NPLOC4: variants seen among roughly 807,000 people sequenced by gnomAD.
The protein encoded by NPLOC4 is nuclear protein localization protein 4 homolog.
NPLOC4 carries 18 observed loss-of-function variants against 80.6 expected under a neutral mutation model. That is an observed-to-expected ratio of 0.22 (90% CI 0.15 to 0.33). The LOEUF is 0.33. NPLOC4 is among the 10% of genes least tolerant of loss of function. NPLOC4 has a pLI of 1.00. For synonymous variants in NPLOC4, 313 were observed against 301.5 expected, an observed-to-expected ratio of 1.04 and a Z score of -0.39; for missense variants, 540 against 786.1, an observed-to-expected ratio of 0.69 and a Z score of 3.74.
intron 8 of NPLOC4, among the ~76,000 whole-genome samples, chr17:81,600,634 G>A: frequency 6.6e-6 from 1 of 152,266 alleles, no homozygotes; most frequent in South Asian, 2.1e-4. Context: ...TACCAGGGCT[G>A]CAAAACATGT....
In NPLOC4 at chr17:81,572,757, G is replaced by A. The variant is rs951896160; in HGVS notation, c.1282-669C>T. 3.3e-5 allele frequency among the ~76,000 whole-genome samples: 5 copies of A among 152,222 alleles called. No homozygotes were observed. The highest frequency in any genetic ancestry group is 9.6e-5 in the African/African-American group (4 of 41,460). ...TCTGCGTTCCCCTCAGGTTGGACCT[G>A]TGCCCTGTCTATCCTCCAAAAGCAC... On this transcript the variant is annotated intron_variant, in intron 12 of 16. Transcript: ENST00000331134. This position sits in a 1 kb window ranked among gnomAD's most constrained non-coding sequence, Gnocchi z 4.5.
At chr17:81,622,397 A>G in intron 2 of NPLOC4, 119 bp from the exon 3 acceptor site, 1 of 738,476 alleles carries the variant, frequency 1.4e-6, no homozygotes, top group Non-Finnish European at 2.3e-6. Flanking sequence ...CCCATCATTT[A>G]CCAAATTCCT....
At chr17:81,601,118 C>T (rs1359222417) in intron 8 of NPLOC4, among the ~76,000 whole-genome samples, 2 of 152,150 alleles carry the variant, frequency 1.3e-5, no homozygotes, top group African/African-American at 4.8e-5. Context: ...CCAAGCTTAC[C>T]GAAATCATTA....
At chr17:81,618,391 G>C (rs924264593) in intron 3 of NPLOC4, among the ~76,000 whole-genome samples, 1 of 147,644 alleles carries the variant, frequency 6.8e-6, no homozygotes, top group Non-Finnish European at 1.5e-5. Context: ...TGGCCGCCCC[G>C]TCTGAGAAGT....
chr17:81,564,105 C>CACACACAG (rs2033935044), intron 16 of NPLOC4: 7 of 334,554 alleles, frequency 2.1e-5, no homozygotes, highest in Non-Finnish European at 3.5e-5. Context: ...CACACACACA[C>CACACACAG]ACACACACAC....
At chr17:81,616,333 A>AAAAAAAAAAAAAAAAAAAAAAAGAAAC (rs780878214) in intron 3 of NPLOC4, among the ~76,000 whole-genome samples, 4 of 115,628 alleles carry the variant, frequency 3.5e-5, no homozygotes, top group Admixed American at 1.0e-4. Context: ...AAAAAAAAAA[A>AAAAAAAAAAAAAAAAAAAAAAAGAAAC]AAAAAGAAAA....
Position 81,557,201 on chromosome 17 carries a change from C to T in NPLOC4, c.*2058G>A, listed in dbSNP as rs986900881. The T allele has an allele frequency of 3.3e-5, 5 of 152,384 alleles. No homozygotes were observed. Among genetic ancestry groups the T allele is most frequent in the African/African-American group, 1.2e-4 (5 of 41,442 alleles). 9.4% of individuals were successfully genotyped at this position (152,384 alleles called of 1,614,324 possible). On this transcript the variant is annotated 3_prime_UTR_variant, in exon 17 of 17. Coordinates refer to ENST00000331134, the MANE Select transcript of NPLOC4 (RefSeq NM_017921.4). ...AGGTGGGGCTGAGACCTCCTTCCCACAAGAGGAGGTGGCTGAGCCTCCCAG... is the reference window on the plus strand; with the variant it reads ...AGGTGGGGCTGAGACCTCCTTCCCATAAGAGGAGGTGGCTGAGCCTCCCAG...
At chr17:81,600,977 C>A (rs1385177875) in intron 8 of NPLOC4, among the ~76,000 whole-genome samples, 1 of 152,186 alleles carries the variant, frequency 6.6e-6, no homozygotes, top group Non-Finnish European at 1.5e-5. Flanking sequence ...CTCACCAACC[C>A]TAAGGAAGGG....
In NPLOC4 at chr17:81,629,712, A is replaced by C. The variant is rs1304142621; in HGVS notation, c.96+13T>G. 6.3e-7 allele frequency: 1 copy of C among 1,596,752 alleles called. No individual in the cohort carries two copies. Among genetic ancestry groups the C allele is most frequent in the Admixed American group, 1.7e-5 (1 of 59,982 alleles). On this transcript the variant is annotated intron_variant, in intron 2 of 16. Coordinates refer to ENST00000331134, the MANE Select transcript of NPLOC4 (RefSeq NM_017921.4). ...AAAAATATCCTGAGGGTCAATACCCAGGCCACAGATACCTTTTTCAAAAAT... is the reference window on the plus strand; with the variant it reads ...AAAAATATCCTGAGGGTCAATACCCCGGCCACAGATACCTTTTTCAAAAAT...
chr17:81,633,075 A>G (rs1168522811), intron 1 of NPLOC4, among the ~76,000 whole-genome samples: 1 of 147,970 alleles, frequency 6.8e-6, no homozygotes, highest in African/African-American at 2.5e-5. Flanking sequence ...GCTTGTGGTG[A>G]GCAGATCGCG....
At chr17:81,559,648 G>A (rs923765854) in intron 16 of NPLOC4, among the ~76,000 whole-genome samples, 18 of 151,828 alleles carry the variant, frequency 1.2e-4, no homozygotes, top group Admixed American at 2.0e-4. Flanking sequence ...GTGCTTGCTG[G>A]TTCCTTTTTG....
In NPLOC4 at chr17:81,559,133, C is replaced by G. The variant is rs2033756897; in HGVS notation, c.*126G>C. ...CTTCAGTGGGTCAGGGAGCCCAGGA[C>G]AGCCAGCCCCTTGTTCCTCCAGGGC... On this transcript the variant is annotated 3_prime_UTR_variant, in exon 17 of 17. Transcript: ENST00000331134. The G allele has an allele frequency of 4.5e-6, 5 of 1,116,668 alleles. No homozygotes were observed. The Admixed American group carries it at 8.7e-5, about 20-fold the overall frequency. The allele number at this position is 1,116,668 out of a possible 1,614,324, so 69.2% of individuals were successfully genotyped here. A position where few individuals can be genotyped will look rare whatever the true frequency, so the allele number is the denominator to read the frequency against.
intron 3 of NPLOC4, among the ~76,000 whole-genome samples, chr17:81,618,503 G>A (rs1250178157): frequency 5.9e-5 from 8 of 136,706 alleles, no homozygotes; most frequent in East Asian, 2.8e-4. Flanking sequence ...CAGCGACCCC[G>A]CCCGGCCAGC....
intron 12 of NPLOC4, among the ~76,000 whole-genome samples, chr17:81,578,992 C>T (rs1461578708): frequency 3.3e-5 from 5 of 152,232 alleles, no homozygotes; most frequent in African/African-American, 1.2e-4. Context: ...GCAATCAAAG[C>T]TCACTGCAGC....
In NPLOC4 at chr17:81,617,796, T is replaced by C. The variant is rs531198297; in HGVS notation, c.210-4302A>G. ...GCCTCAGCCTGCCGAGTGCCTGCGATTGCAGGCGCGCGCCGCCACGCCTGA... is the reference window on the plus strand; with the variant it reads ...GCCTCAGCCTGCCGAGTGCCTGCGACTGCAGGCGCGCGCCGCCACGCCTGA... On this transcript the variant is annotated intron_variant, in intron 3 of 16. Transcript: ENST00000331134. 8.1e-3 allele frequency among the ~76,000 whole-genome samples: 1,233 copies of C among 152,194 alleles called. 16 individuals are homozygous for C. Among genetic ancestry groups the C allele is most frequent in the African/African-American group, 0.028 (1,170 of 41,510 alleles).
chr17:81,628,617 G>C (rs1245220302), intron 2 of NPLOC4, among the ~76,000 whole-genome samples: 1 of 152,154 alleles, frequency 6.6e-6, no homozygotes, highest in Non-Finnish European at 1.5e-5. Flanking sequence ...CTACAACAAA[G>C]GCTAATGGAT....
chr17:81,608,427 T>C (rs1355835699), intron 6 of NPLOC4, among the ~76,000 whole-genome samples: 1 of 152,050 alleles, frequency 6.6e-6, no homozygotes, highest in Admixed American at 6.6e-5. Context: ...TAGAACCAGG[T>C]TGGCCAGGCG....
intron 1 of NPLOC4, among the ~76,000 whole-genome samples, chr17:81,633,715 T>TC (rs1241385785): frequency 6.6e-6 from 1 of 151,914 alleles, no homozygotes; most frequent in Non-Finnish European, 1.5e-5. Context: ...AACTCTTTTC[T>TC]CCCCCCAAGA....
chr17:81,574,982 G>A (rs147994280), intron 12 of NPLOC4, among the ~76,000 whole-genome samples: 1,918 of 152,262 alleles, frequency 0.013, 141 homozygotes, highest in Admixed American at 0.11. Context: ...TTTAGAAAAG[G>A]TAAATGAAAT....
Sources: allele counts gnomAD v4.1 joint callset (sites outside exome capture counted in the v4.1 genomes callset), GRCh38; gene constraint gnomAD v4.1.1; non-coding constraint Gnocchi (gnomAD v3.1); transcripts MANE v1.5; gene names NCBI Gene and HGNC (gene_info 2026-07-23, HGNC 2026-07-21).